LRRIQ3: variants seen among roughly 807,000 people sequenced by gnomAD.
The protein encoded by LRRIQ3 is leucine rich repeats and IQ motif containing 3.
A neutral mutation model predicts 59.3 loss-of-function variants in LRRIQ3; 75 were observed. That is an observed-to-expected ratio of 1.26 (90% confidence interval 1.05 to 1.53). The LOEUF (loss-of-function observed/expected upper bound fraction) is 1.53, where lower values mean the gene tolerates loss of function less well. Ranked by LOEUF, LRRIQ3 falls within the 40% of genes most tolerant of loss-of-function variation. The pLI, the probability that LRRIQ3 is intolerant of heterozygous loss-of-function variation, is 0.00. For synonymous variants in LRRIQ3, 250 were observed against 231.3 expected, an observed-to-expected ratio of 1.08 and a Z score of -0.73; for missense variants, 831 against 710.0, an observed-to-expected ratio of 1.17 and a Z score of -1.94.
intron 5 of LRRIQ3, among the ~76,000 whole-genome samples, chr1:74,085,731 A>G (rs1356430719): frequency 6.6e-6 from 1 of 152,144 alleles, no homozygotes; most frequent in South Asian, 2.1e-4. Flanking sequence ...ACTTTAAGAT[A>G]GCATAATTGT....
chr1:74,195,575 T>A (rs1651061670), intron 1 of LRRIQ3, among the ~76,000 whole-genome samples: 1 of 152,292 alleles, frequency 6.6e-6, no homozygotes, highest in East Asian at 1.9e-4. Flanking sequence ...ATCTCATTCT[T>A]CCTTATGGCA....
rs76484875 is a variant in LRRIQ3, at chr1:74,104,612, G to A, written c.867+4782C>T. On this transcript the variant is annotated intron_variant, in intron 5 of 7. Coordinates refer to ENST00000354431, the MANE Select transcript of LRRIQ3 (RefSeq NM_001105659.2). Reference sequence around the variant, plus strand: ...ACATACTATATGATTTCAACTATACGACATTTCAGAAAAGGCAAAACTGTG... The same window carrying A: ...ACATACTATATGATTTCAACTATACAACATTTCAGAAAAGGCAAAACTGTG... 3.8e-3 allele frequency among the ~76,000 whole-genome samples: 571 copies of A among 152,076 alleles called. 6 individuals carry two copies. Among genetic ancestry groups the A allele is most frequent in the East Asian group, 0.029 (147 of 5,142 alleles).
At chr1:74,143,742 CT>C in intron 4 of LRRIQ3, among the ~76,000 whole-genome samples, 1 of 151,236 alleles carries the variant, frequency 6.6e-6, no homozygotes, top group African/African-American at 2.4e-5. Context: ...TATATTACAA[CT>C]TTTTATCTCA....
chr1:74,140,851 C>T lies in LRRIQ3; in HGVS notation c.707+14882G>A, dbSNP rs1043052122. On this transcript the variant is annotated intron_variant, in intron 4 of 7. Transcript: ENST00000354431. ...TTGACTAGAATTAAACCCTTTACAA[C>T]TAATCCCACTCTTCTGGCACCACAT... is the stretch of plus-strand genomic sequence containing the variant. Among the ~76,000 whole-genome samples the T allele has an allele frequency of 2.0e-5, 3 of 151,814 alleles. No individual in the cohort carries two copies. The Admixed American group carries it at 2.0e-4, about 10-fold the overall frequency.
chr1:74,099,055 A>G (rs1472090214), intron 5 of LRRIQ3, among the ~76,000 whole-genome samples: 2 of 152,190 alleles, frequency 1.3e-5, no homozygotes. Flanking sequence ...AACTAAGATC[A>G]GAGCAGAATT....
intron 3 of LRRIQ3, among the ~76,000 whole-genome samples, chr1:74,177,092 G>A (rs867698412): frequency 1.3e-5 from 2 of 152,122 alleles, no homozygotes; most frequent in South Asian, 2.1e-4. Flanking sequence ...GCAGGCTTCT[G>A]TTACTTTTTT....
intron 5 of LRRIQ3, among the ~76,000 whole-genome samples, chr1:74,101,291 A>T (rs978515380): frequency 6.6e-6 from 1 of 152,230 alleles, no homozygotes; most frequent in Non-Finnish European, 1.5e-5. Flanking sequence ...TTATGCAGCC[A>T]ATAGACACAT....
chr1:74,135,254 T>A (rs1016040448), intron 4 of LRRIQ3, among the ~76,000 whole-genome samples: 1 of 151,876 alleles, frequency 6.6e-6, no homozygotes, highest in African/African-American at 2.4e-5. Flanking sequence ...AAATATATGA[T>A]GTAAAAAGTG....
At chr1:74,096,293 T>C (rs1277835083) in intron 5 of LRRIQ3, among the ~76,000 whole-genome samples, 6 of 152,132 alleles carry the variant, frequency 3.9e-5, no homozygotes, top group African/African-American at 1.4e-4. Context: ...TTTAGTATTA[T>C]TATAAAAGCT....
intron 5 of LRRIQ3, among the ~76,000 whole-genome samples, chr1:74,106,125 GC>G (rs1207133664): frequency 1.6e-4 from 24 of 152,104 alleles, no homozygotes; most frequent in African/African-American, 5.8e-4. Context: ...CAATTTTCAT[GC>G]CTCAAGGAGA....
intron 3 of LRRIQ3, among the ~76,000 whole-genome samples, chr1:74,157,963 T>C (rs1175456316): frequency 6.6e-6 from 1 of 152,102 alleles, no homozygotes; most frequent in Non-Finnish European, 1.5e-5. Context: ...CCCAACCTGC[T>C]TTCTCATATA....
At chr1:74,044,938 A>G (rs963408924) in intron 6 of LRRIQ3, among the ~76,000 whole-genome samples, 7 of 152,168 alleles carry the variant, frequency 4.6e-5, no homozygotes, top group Non-Finnish European at 8.8e-5. Flanking sequence ...GAATAGACCA[A>G]TAACTAGTTC....
At chr1:74,053,909 T>A (rs1243502171) in intron 6 of LRRIQ3, among the ~76,000 whole-genome samples, 1 of 152,124 alleles carries the variant, frequency 6.6e-6, no homozygotes, top group South Asian at 2.1e-4. Context: ...CTCTCATTCA[T>A]TGCTGGTAGG....
At chr1:74,176,287 A>C (rs189118175) in intron 3 of LRRIQ3, among the ~76,000 whole-genome samples, 47 of 152,178 alleles carry the variant, frequency 3.1e-4, no homozygotes, top group Admixed American at 2.5e-3. Flanking sequence ...AATATTTTGC[A>C]ACTTGCTTAT....
At chr1:74,137,287 T>C (rs1647139271) in intron 4 of LRRIQ3, among the ~76,000 whole-genome samples, 1 of 152,012 alleles carries the variant, frequency 6.6e-6, no homozygotes. Context: ...AAAATAGATA[T>C]GAACAGACAC....
intron 4 of LRRIQ3, among the ~76,000 whole-genome samples, chr1:74,131,563 G>C (rs1647020587): frequency 6.6e-6 from 1 of 152,106 alleles, no homozygotes; most frequent in African/African-American, 2.4e-5. Flanking sequence ...ATTCAAGGCT[G>C]GTTCAACATA....
At chr1:74,172,199 T>A (rs1649366568) in intron 3 of LRRIQ3, among the ~76,000 whole-genome samples, 1 of 152,196 alleles carries the variant, frequency 6.6e-6, no homozygotes, top group Non-Finnish European at 1.5e-5. Context: ...TTGAGATCAT[T>A]TTTTCTTTTT....
At chr1:74,062,348 A>T (rs141980689) in intron 6 of LRRIQ3, among the ~76,000 whole-genome samples, 18 of 152,218 alleles carry the variant, frequency 1.2e-4, no homozygotes, top group African/African-American at 4.1e-4. Flanking sequence ...TAAAAACCAC[A>T]GTGAGATACC....
At chr1:74,033,079 G>C (rs1034210206) in intron 7 of LRRIQ3, among the ~76,000 whole-genome samples, 23 of 151,980 alleles carry the variant, frequency 1.5e-4, no homozygotes, top group African/African-American at 5.6e-4. Flanking sequence ...ATAGAAAGCT[G>C]TACTGTTGAA....
Sources: gnomAD v4.1 joint callset for allele counts (sites outside exome capture counted in the v4.1 genomes callset) on GRCh38, gnomAD v4.1.1 for gene constraint, MANE v1.5 for transcripts, NCBI Gene and HGNC (gene_info 2026-07-23, HGNC 2026-07-21) for gene names.